Variants in TTC17 observed in about 807,000 individuals in gnomAD.
TTC17 encodes tetratricopeptide repeat domain 17.
TTC17 carries 58 observed loss-of-function variants against 143.8 expected under a neutral mutation model. The ratio of observed to expected loss-of-function variants is 0.40; its 90% CI spans 0.33 to 0.50. TTC17 has a LOEUF of 0.50. Among genes scored for constraint, TTC17 ranks in the 20% least tolerant of loss-of-function variants. The probability of loss-of-function intolerance (pLI) is 0.49; values close to 1 mark genes in which losing one functional copy is unlikely to be tolerated. For synonymous variants in TTC17, 501 were observed against 497.8 expected (o/e 1.01, Z -0.09); for missense variants, 1,273 against 1,392.5 (o/e 0.91, Z 1.37).
At chr11:43,454,749 A>G (rs745754445) in intron 21 of TTC17, among the ~76,000 whole-genome samples, 2 of 152,084 alleles carry the variant, frequency 1.3e-5, no homozygotes, top group Admixed American at 6.5e-5. Flanking sequence ...TTAAAATGCT[A>G]AAGACTACAG....
chr11:43,483,219 A>G (rs1332869466), intron 21 of TTC17, among the ~76,000 whole-genome samples: 1 of 152,116 alleles, frequency 6.6e-6, no homozygotes, highest in Non-Finnish European at 1.5e-5. Context: ...GATTACAACA[A>G]GGTCTGTTGA....
chr11:43,376,894 T>C (rs973745828), intron 1 of TTC17, among the ~76,000 whole-genome samples: 3 of 152,226 alleles, frequency 2.0e-5, no homozygotes, highest in African/African-American at 7.2e-5. Flanking sequence ...CTGTACAGCC[T>C]ACTACACACC....
At chr11:43,448,840 T>A (rs936146831) in intron 19 of TTC17, 1 of 152,196 alleles carries the variant, frequency 6.6e-6, no homozygotes, top group South Asian at 2.1e-4. Context: ...TTATTGTTTT[T>A]TTTTGTTTTG....
intron 10 of TTC17, among the ~76,000 whole-genome samples, chr11:43,403,723 A>C (rs1857977664): frequency 7.9e-6 from 1 of 126,762 alleles, no homozygotes; most frequent in African/African-American, 2.6e-5. Context: ...AAAGAGACTA[A>C]ATCATAAAAA....
At chr11:43,405,692 G>C in intron 12 of TTC17, 63 bp downstream of exon 12, 1 of 1,611,762 alleles carries the variant, frequency 6.2e-7, no homozygotes, top group Non-Finnish European at 8.5e-7. Flanking sequence ...GCGGTTCTTT[G>C]AGAGCACCAG....
chr11:43,410,008 AT>A (rs1858335814), intron 15 of TTC17, among the ~76,000 whole-genome samples: 1 of 151,796 alleles, frequency 6.6e-6, no homozygotes, highest in African/African-American at 2.4e-5. Context: ...TGCCCGGCTA[AT>A]TTTTGTACTT....
chr11:43,478,047 A>G (rs1240061323), intron 21 of TTC17, among the ~76,000 whole-genome samples: 2 of 152,206 alleles, frequency 1.3e-5, no homozygotes, highest in Non-Finnish European at 2.9e-5. Context: ...CAAAAGTTAA[A>G]TCTAAACCAG....
intron 2 of TTC17, among the ~76,000 whole-genome samples, chr11:43,386,531 T>C (rs569798217): frequency 3.9e-5 from 6 of 152,234 alleles, no homozygotes; most frequent in Non-Finnish European, 7.3e-5. Flanking sequence ...TTGACTGTAG[T>C]TGATTGATGT....
In TTC17 at chr11:43,404,093, C is replaced by T. The variant is rs573119578; in HGVS notation, c.1428C>T (p.Pro476=). 70 of 1,613,262 alleles carry T rather than the reference C, an allele frequency of 4.3e-5. No individual in the cohort carries two copies. The highest frequency in any genetic ancestry group is 6.6e-5 in the South Asian group (6 of 91,008). The change falls in exon 11 of 24, where the codon CCC becomes CCT. Residue 476 remains proline (P), a synonymous_variant. Coordinates refer to ENST00000039989, the MANE Select transcript of TTC17 (RefSeq NM_018259.6). The stretch of plus-strand genomic sequence containing the variant: ...TCAATGATTCGGTCAAGTCTTCTCC[C>T]GTAGCCCATTCTATTCTCTGGATTT... ...SDINDSVKSS[P]VAHSILWIWG... is the part of the protein sequence containing the mutation.
chr11:43,399,602 T>G (rs1026507336), intron 8 of TTC17, among the ~76,000 whole-genome samples: 2 of 152,138 alleles, frequency 1.3e-5, no homozygotes, highest in African/African-American at 4.8e-5. Context: ...GCCCAGGAGT[T>G]GAGCCCAAGA....
chr11:43,359,256 C>G, intron 1 of TTC17, 143 bp downstream of exon 1: 1 of 1,058,254 alleles, frequency 9.4e-7, no homozygotes, highest in Non-Finnish European at 1.3e-6. Flanking sequence ...CTCGGACTCC[C>G]TGCATTCGGA....
At chr11:43,456,358 G>T (rs1473962102) in intron 21 of TTC17, among the ~76,000 whole-genome samples, 1 of 152,108 alleles carries the variant, frequency 6.6e-6, no homozygotes, top group Non-Finnish European at 1.5e-5. Context: ...CATTCAGACT[G>T]CCTACTGTAT....
chr11:43,460,510 G>A (rs1216371657), intron 21 of TTC17, among the ~76,000 whole-genome samples: 1 of 152,118 alleles, frequency 6.6e-6, no homozygotes, highest in Admixed American at 6.5e-5. Flanking sequence ...CCAAACTAGT[G>A]CTACATGTCT....
In TTC17 at chr11:43,407,521, C is replaced by T. The variant is rs1292376813; in HGVS notation, c.2008C>T (p.Leu670Phe). 2.5e-6 allele frequency: 4 copies of T among 1,613,838 alleles called. No individual in the cohort carries two copies. The highest frequency in any genetic ancestry group is 3.4e-6 in the Non-Finnish European group (4 of 1,179,968). Residue 670 changes from leucine (L) to phenylalanine (F), a missense_variant, in exon 15 of 24, where the codon CTT (leucine) becomes TTT (phenylalanine). By Grantham distance (22) the Leu-to-Phe change is conservative. This residue lies in a region of TTC17 where 878 missense variants were observed against 899.8 expected (regional missense o/e 0.98). Coordinates refer to ENST00000039989, the MANE Select transcript of TTC17 (RefSeq NM_018259.6). Reference protein sequence around the residue: ...NLANLLIHYGLHLDATKLLLQ... With the variant: ...NLANLLIHYGFHLDATKLLLQ... ...GGCCAACCTTTTGATTCATTACGGCCTTCATCTTGATGCCACTAAGCTGCT... is the reference window on the plus strand; with the variant it reads ...GGCCAACCTTTTGATTCATTACGGCTTTCATCTTGATGCCACTAAGCTGCT...
At position 43,399,898 on chromosome 11, in the gene TTC17, C is replaced by A. The variant is rs549387446; in HGVS notation, c.1069C>A (p.Arg357=). ...KLEAQHRSLQ[R]TLNELKEYQK... is the part of the protein sequence containing the mutation. ...TTAAAAAATGTTAAGATCTCTCCAG[C>A]GAACACTGAATGAGTTAAAAGAGTA... The change falls in exon 9 of 24, where the codon CGA becomes AGA. Residue 357 remains arginine, a synonymous_variant. Transcript: ENST00000039989. The A allele has an allele frequency of 7.5e-5, 121 of 1,609,362 alleles. 4 individuals are homozygous for A. The South Asian group carries it at 1.1e-3, about 15-fold the overall frequency.
chr11:43,365,469 A>G (rs947040264), intron 1 of TTC17, among the ~76,000 whole-genome samples: 20 of 151,632 alleles, frequency 1.3e-4, no homozygotes, highest in Admixed American at 1.2e-3. Context: ...GGGTTTTGCC[A>G]TGTCACCCAG....
intron 21 of TTC17, among the ~76,000 whole-genome samples, chr11:43,458,174 G>A (rs7111767): frequency 0.059 from 8,924 of 152,154 alleles, 291 homozygotes; most frequent in African/African-American, 0.094. Context: ...CTGATCTCAC[G>A]TGAAGTCACT....
intron 5 of TTC17, among the ~76,000 whole-genome samples, chr11:43,394,028 A>C (rs1857487243): frequency 6.6e-6 from 1 of 152,206 alleles, no homozygotes. Flanking sequence ...TTATAAGGAC[A>C]CTTATAGGAA....
intron 16 of TTC17, among the ~76,000 whole-genome samples, chr11:43,422,589 G>C (rs1946931935): frequency 6.6e-6 from 1 of 152,170 alleles, no homozygotes; most frequent in Admixed American, 6.5e-5. Context: ...CAGTAAGCTA[G>C]TAGAAAAACC....
Sources: gnomAD v4.1 joint callset for allele counts (sites outside exome capture counted in the v4.1 genomes callset) on GRCh38, gnomAD v4.1.1 for gene constraint, gnomAD v4.1.1 regional missense constraint, MANE v1.5 for transcripts, NCBI Gene and HGNC (gene_info 2026-07-23, HGNC 2026-07-21) for gene names.